The following ZEB2 variants were observed in gnomAD, a reference collection of about 807,000 sequenced individuals.
ZEB2 encodes the protein zinc finger E-box-binding homeobox 2.
Under a neutral mutation model 99.9 loss-of-function variants are expected in ZEB2, and 6 were observed. The ratio of observed to expected loss-of-function variants is 0.06; its 90% CI spans 0.03 to 0.12. ZEB2 has a LOEUF of 0.12. Ranked by LOEUF, ZEB2 falls within the 10% of genes least tolerant of loss-of-function variation. ZEB2 has a pLI of 1.00. For missense variants in ZEB2, 969 were observed against 1,502.8 expected (o/e 0.64, Z 5.87); for synonymous variants, 517 against 542.5 (o/e 0.95, Z 0.65).
At chr2:144,470,313 G>C (rs1035975950) in intron 2 of ZEB2, 2 of 152,132 alleles carry the variant, frequency 1.3e-5, no homozygotes, top group Non-Finnish European at 2.9e-5. Flanking sequence ...GAATTGCCAG[G>C]ATGAAGTTTG....
chr2:144,398,064 C>T, intron 8 of ZEB2: 1 of 444,020 alleles, frequency 2.3e-6, no homozygotes, highest in South Asian at 2.1e-5. Flanking sequence ...AAATACATCT[C>T]AAAATAAATA....
chr2:144,498,031 A>T (rs1341139667), intron 2 of ZEB2, among the ~76,000 whole-genome samples: 1 of 48,116 alleles, frequency 2.1e-5, no homozygotes. Context: ...TATATTATAT[A>T]ATATATATTA....
chr2:144,494,081 G>T (rs566030816), intron 2 of ZEB2, among the ~76,000 whole-genome samples: 2 of 150,966 alleles, frequency 1.3e-5, no homozygotes, highest in African/African-American at 4.9e-5. Flanking sequence ...GAACCCGGGA[G>T]GCGGAGCTTG....
intron 2 of ZEB2, among the ~76,000 whole-genome samples, chr2:144,465,393 A>G (rs923309212): frequency 2.6e-5 from 4 of 152,174 alleles, no homozygotes; most frequent in Non-Finnish European, 5.9e-5. Context: ...CTGGAGCAAC[A>G]ATGTTCTGCA....
At chr2:144,501,357 AG>A (rs5835001) in intron 2 of ZEB2, among the ~76,000 whole-genome samples, 8 of 152,180 alleles carry the variant, frequency 5.3e-5, no homozygotes, top group African/African-American at 1.9e-4. Context: ...CCTGGAAAAA[AG>A]GGGAAAAGGC....
chr2:144,511,526 G>GATT (rs1390435283), intron 2 of ZEB2: 1 of 1,281,278 alleles, frequency 7.8e-7, no homozygotes, highest in Non-Finnish European at 1.0e-6. Flanking sequence ...GGAGCCTACT[G>GATT]ATTATTATCG....
intron 6 of ZEB2, among the ~76,000 whole-genome samples, chr2:144,401,654 C>T (rs866916350): frequency 2.0e-5 from 3 of 152,274 alleles, no homozygotes; most frequent in African/African-American, 4.8e-5. Flanking sequence ...TATGAACATT[C>T]TCTGCTAGAA....
Position 144,432,977 on chromosome 2 carries a change from T to C in ZEB2, c.74-2951A>G, listed in dbSNP as rs184289525. Among the ~76,000 whole-genome samples, 6 of 152,284 alleles carry C rather than the reference T, an allele frequency of 3.9e-5. No homozygotes were observed. The East Asian group carries it at 7.7e-4, about 20-fold the overall frequency. On this transcript the variant is annotated intron_variant, in intron 2 of 9. Transcript: ENST00000627532. ...GCATTTAAAAGCCTGGAAGTTCCCATATAACGTAGCAAAGTTCTATTCAGT... is the reference window on the plus strand; with the variant it reads ...GCATTTAAAAGCCTGGAAGTTCCCACATAACGTAGCAAAGTTCTATTCAGT...
chr2:144,440,033 G>A lies in ZEB2; in HGVS notation c.74-10007C>T, dbSNP rs141516823. On this transcript the variant is annotated intron_variant, in intron 2 of 9. Transcript: ENST00000627532. ...CTTCAAAGACACAAAAGAATAAAGT[G>A]GCTAAATGTTTTTAAAGGTACATAA... Among the ~76,000 whole-genome samples the A allele has an allele frequency of 2.0e-3, 312 of 152,200 alleles. 2 individuals are homozygous for A. The highest frequency in any genetic ancestry group is 7.2e-3 in the African/African-American group (299 of 41,512).
intron 4 of ZEB2, among the ~76,000 whole-genome samples, chr2:144,417,852 A>T (rs1703561453): frequency 6.6e-6 from 1 of 152,234 alleles, no homozygotes; most frequent in Non-Finnish European, 1.5e-5. Flanking sequence ...TCACAAAGAA[A>T]TGATAAATGT....
At chr2:144,398,223 T>C in intron 8 of ZEB2, 78 bp downstream of exon 8, 2 of 1,501,236 alleles carry the variant, frequency 1.3e-6, no homozygotes, top group Non-Finnish European at 1.8e-6. Context: ...TTCACTAAGA[T>C]TTTTTTTTCC....
rs796295921 is a variant in ZEB2 at position 144,387,544 on chromosome 2, C to T, written c.*1907G>A. On this transcript the variant is annotated 3_prime_UTR_variant, in exon 10 of 10. Coordinates refer to ENST00000627532, the MANE Select transcript of ZEB2 (RefSeq NM_014795.4). Reference sequence around the variant, plus strand: ...CCCACGCCTTCTAGTTTCAGATAAACGGTAAACTACTGTCTGCATTTCAAA... The same window carrying T: ...CCCACGCCTTCTAGTTTCAGATAAATGGTAAACTACTGTCTGCATTTCAAA... 1.1e-4 allele frequency: 17 copies of T among 152,240 alleles called. No homozygotes were observed. Among genetic ancestry groups the T allele is most frequent in the South Asian group, 4.1e-4 (2 of 4,832 alleles). 9.4% of individuals were successfully genotyped at this position (152,240 alleles called of 1,614,324 possible). A position where few individuals can be genotyped will look rare whatever the true frequency, so the allele number is the denominator to read the frequency against.
Position 144,436,363 on chromosome 2 carries a change from A to G in ZEB2, c.74-6337T>C, listed in dbSNP as rs140818929. On this transcript the variant is annotated intron_variant, in intron 2 of 9. Transcript: ENST00000627532. ...TCGAAGGCATTAAACCTGCATTATA[A>G]ATTAATGAGTTGTAAAATGTCAGCT... Among the ~76,000 whole-genome samples, 804 of 152,340 alleles carry G rather than the reference A, an allele frequency of 5.3e-3. 5 individuals are homozygous for G. Among genetic ancestry groups the G allele is most frequent in the Middle Eastern group, 0.014 (4 of 294 alleles).
intron 9 of ZEB2, among the ~76,000 whole-genome samples, chr2:144,394,012 C>T (rs898197121): frequency 6.6e-6 from 1 of 152,160 alleles, no homozygotes; most frequent in African/African-American, 2.4e-5. Flanking sequence ...ACCTCCGCCT[C>T]CCGGGTTCAA....
intron 2 of ZEB2, among the ~76,000 whole-genome samples, chr2:144,480,097 G>A (rs184340462): frequency 2.0e-5 from 3 of 152,178 alleles, no homozygotes; most frequent in Admixed American, 2.0e-4. Context: ...TATCTTTTCC[G>A]TATTTTAGGC....
chr2:144,468,992 T>C (rs1187892985), intron 2 of ZEB2, among the ~76,000 whole-genome samples: 1 of 152,146 alleles, frequency 6.6e-6, no homozygotes, highest in Non-Finnish European at 1.5e-5. Flanking sequence ...ATTTCTTGAA[T>C]ACTCACAATG....
chr2:144,405,111 G>T, intron 4 of ZEB2, 87 bp from the exon 5 acceptor site: 2 of 1,395,194 alleles, frequency 1.4e-6, no homozygotes, highest in Non-Finnish European at 2.0e-6. Flanking sequence ...AGTGAGAAAT[G>T]CTGACTTGCA....
intron 2 of ZEB2, among the ~76,000 whole-genome samples, chr2:144,452,591 T>A (rs934768270): frequency 6.6e-6 from 1 of 152,206 alleles, no homozygotes; most frequent in Non-Finnish European, 1.5e-5. Flanking sequence ...TTAGCTCTGC[T>A]CCGGCGGTAA....
chr2:144,513,108 C>G (rs914125775), intron 2 of ZEB2: 1 of 1,286,422 alleles, frequency 7.8e-7, no homozygotes, highest in Admixed American at 2.3e-5. Flanking sequence ...CTAGGAGGCA[C>G]CTCCTGGAGA....
Sources: allele counts gnomAD v4.1 joint callset (sites outside exome capture counted in the v4.1 genomes callset), GRCh38; gene constraint gnomAD v4.1.1; transcripts MANE v1.5; gene names NCBI Gene and HGNC (gene_info 2026-07-23, HGNC 2026-07-21).